AGPAT4: variants seen among roughly 807,000 people sequenced by gnomAD.
AGPAT4 encodes the protein 1-acylglycerol-3-phosphate O-acyltransferase 4.
Under a neutral mutation model 48.0 loss-of-function variants are expected in AGPAT4, and 15 were observed. That is an observed-to-expected ratio of 0.31 (90% CI 0.21 to 0.48). AGPAT4 has a LOEUF of 0.48. Ranked by LOEUF, AGPAT4 falls within the 20% of genes least tolerant of loss-of-function variation. The pLI is 0.99. For synonymous variants in AGPAT4, 178 were observed against 198.7 expected (o/e 0.90, Z 0.88); for missense variants, 314 against 482.5 (o/e 0.65, Z 3.27).
chr6:161,268,348 T>C (rs777544344), intron 1 of AGPAT4, among the ~76,000 whole-genome samples: 4 of 152,218 alleles, frequency 2.6e-5, no homozygotes, highest in East Asian at 3.9e-4. Flanking sequence ...TTCTCTTCTA[T>C]AAAAAAACAA....
rs566256145 is a variant in AGPAT4 at position 161,270,805 on chromosome 6, G to A, written c.-90+3133C>T. ...TCAAAAAAAAAATAAATGTGAATGC[G>A]GCTTTGTCCCATAACCATCAGACCT... On this transcript the variant is annotated intron_variant, in intron 1 of 8. Coordinates refer to ENST00000320285, the MANE Select transcript of AGPAT4 (RefSeq NM_020133.3). The surrounding 1 kb of genome is among the most constrained non-coding windows in gnomAD (Gnocchi z 5.3). Among the ~76,000 whole-genome samples the A allele has an allele frequency of 2.6e-5, 4 of 152,076 alleles. No homozygotes were observed. The East Asian group carries it at 5.8e-4, about 22-fold the overall frequency.
intron 2 of AGPAT4, among the ~76,000 whole-genome samples, chr6:161,168,130 G>C (rs546388501): frequency 1.3e-5 from 2 of 152,088 alleles, no homozygotes; most frequent in Admixed American, 6.5e-5. Flanking sequence ...GCGGTGGTGG[G>C]GTGGGGGGCT....
intron 1 of AGPAT4, among the ~76,000 whole-genome samples, chr6:161,257,698 CT>C (rs1341886044): frequency 3.3e-5 from 5 of 151,826 alleles, no homozygotes; most frequent in African/African-American, 9.7e-5. Context: ...AATTAATTTT[CT>C]TCATGGAAAT....
rs1373754649 is a variant in AGPAT4, at chr6:161,217,549, G to T, written c.178+14487C>A. On this transcript the variant is annotated intron_variant, in intron 2 of 8. Coordinates refer to ENST00000320285, the MANE Select transcript of AGPAT4 (RefSeq NM_020133.3). This position sits in a 1 kb window ranked among gnomAD's most constrained non-coding sequence, Gnocchi z 4.9. ...TCCAGTATGAAGGCATTGGCGTTAT[G>T]CCTGCATTTTCTCTCACTAATCATG... 6.6e-6 allele frequency among the ~76,000 whole-genome samples: 1 copy of T among 152,204 alleles called. No individual in the cohort carries two copies. The highest frequency in any genetic ancestry group is 2.4e-5 in the African/African-American group (1 of 41,442).
In AGPAT4 at chr6:161,133,332, A is replaced by T. The variant is rs890533978; in HGVS notation, c.*3208T>A. On this transcript the variant is annotated 3_prime_UTR_variant, in exon 9 of 9. Coordinates refer to ENST00000320285, the MANE Select transcript of AGPAT4 (RefSeq NM_020133.3). The stretch of plus-strand genomic sequence containing the variant: ...TATTAGAAAAACCCTAATGTTTTAA[A>T]ATTTTTTTAATCATCAGCTGCTTTT... 6.6e-6 allele frequency: 1 copy of T among 152,220 alleles called. No individual in the cohort carries two copies. Among genetic ancestry groups the T allele is most frequent in the Middle Eastern group, 3.2e-3 (1 of 316 alleles). 9.4% of individuals were successfully genotyped at this position (152,220 alleles called of 1,614,324 possible).
chr6:161,211,362 A>C (rs979134421), intron 2 of AGPAT4, among the ~76,000 whole-genome samples: 1 of 152,198 alleles, frequency 6.6e-6, no homozygotes, highest in Non-Finnish European at 1.5e-5. Flanking sequence ...ATTTTTGTCT[A>C]ATTCAAAGCT....
chr6:161,165,700 T>C lies in AGPAT4; in HGVS notation c.348+548A>G, dbSNP rs1250212718. 8.9e-7 allele frequency: 1 copy of C among 1,128,370 alleles called. No homozygotes were observed. The highest frequency in any genetic ancestry group is 1.2e-6 in the Non-Finnish European group (1 of 828,400). 69.9% of individuals were successfully genotyped at this position (1,128,370 alleles called of 1,614,324 possible). The stretch of plus-strand genomic sequence containing the variant: ...CAGTTCCAAAGGCATGCAAGCTACG[T>C]GCAAGAGGTCAAACTAGTTGGGAAA... On this transcript the variant is annotated intron_variant, in intron 3 of 8. Coordinates refer to ENST00000320285, the MANE Select transcript of AGPAT4 (RefSeq NM_020133.3). This position sits in a 1 kb window ranked among gnomAD's most constrained non-coding sequence, Gnocchi z 5.5.
At chr6:161,248,006 A>G (rs1782706379) in intron 1 of AGPAT4, among the ~76,000 whole-genome samples, 2 of 150,616 alleles carry the variant, frequency 1.3e-5, no homozygotes, top group Admixed American at 1.3e-4. Context: ...AAAAAAAAAA[A>G]AGTCCTGGCC....
intron 2 of AGPAT4, among the ~76,000 whole-genome samples, chr6:161,224,157 T>C (rs767040889): frequency 6.6e-5 from 10 of 152,202 alleles, no homozygotes; most frequent in Non-Finnish European, 1.0e-4. Flanking sequence ...TAACCTGATA[T>C]GGTCTTTTGT....
At chr6:161,265,269 C>T (rs372338853) in intron 1 of AGPAT4, among the ~76,000 whole-genome samples, 99 of 8,316 alleles carry the variant, frequency 0.012, 1 homozygote, top group East Asian at 0.09. Flanking sequence ...TAGTACCCAC[C>T]GCTGGACTGG....
chr6:161,262,197 T>C lies in AGPAT4; in HGVS notation c.-90+11741A>G, dbSNP rs1783123200. On this transcript the variant is annotated intron_variant, in intron 1 of 8. Coordinates refer to ENST00000320285, the MANE Select transcript of AGPAT4 (RefSeq NM_020133.3). This position sits in a 1 kb window ranked among gnomAD's most constrained non-coding sequence, Gnocchi z 4.9. Reference sequence around the variant, plus strand: ...TCCAGTCCTCTCAGCCCATAATCATTTATAGAACTTAAAAAAAAATGAGCC... The same window carrying C: ...TCCAGTCCTCTCAGCCCATAATCATCTATAGAACTTAAAAAAAAATGAGCC... 6.6e-6 allele frequency among the ~76,000 whole-genome samples: 1 copy of C among 151,950 alleles called. No individual in the cohort carries two copies. The highest frequency in any genetic ancestry group is 2.4e-5 in the African/African-American group (1 of 41,348).
At chr6:161,213,730 G>A (rs1309434397) in intron 2 of AGPAT4, among the ~76,000 whole-genome samples, 1 of 152,072 alleles carries the variant, frequency 6.6e-6, no homozygotes, top group Non-Finnish European at 1.5e-5. Context: ...TTGTTCTTTT[G>A]CTTGTTGTTG....
chr6:161,252,540 T>C (rs371802250), intron 1 of AGPAT4, among the ~76,000 whole-genome samples: 1 of 152,186 alleles, frequency 6.6e-6, no homozygotes, highest in Non-Finnish European at 1.5e-5. Context: ...GAAAATACAA[T>C]TGGACAGGCA....
Position 161,201,088 on chromosome 6 carries a change from C to T in AGPAT4, c.178+30948G>A, listed in dbSNP as rs937210058. ...GCCGAGGAAGTCATCATGAGCCGTG[C>T]GGTGTTGCAAAGGAAATCTTGTCCC... On this transcript the variant is annotated intron_variant, in intron 2 of 8. Coordinates refer to ENST00000320285, the MANE Select transcript of AGPAT4 (RefSeq NM_020133.3). The surrounding 1 kb of genome is among the most constrained non-coding windows in gnomAD (Gnocchi z 6.0). Among the ~76,000 whole-genome samples, 11 of 152,126 alleles carry T rather than the reference C, an allele frequency of 7.2e-5. No homozygotes were observed. The highest frequency in any genetic ancestry group is 3.9e-4 in the Admixed American group (6 of 15,278).
At chr6:161,247,297 G>T (rs1582906953) in intron 1 of AGPAT4, among the ~76,000 whole-genome samples, 1 of 152,074 alleles carries the variant, frequency 6.6e-6, no homozygotes, top group South Asian at 2.1e-4. Context: ...TTCTTGAAAG[G>T]TAAAGTCACT....
chr6:161,262,536 G>T lies in AGPAT4; in HGVS notation c.-90+11402C>A, dbSNP rs1783132768. Among the ~76,000 whole-genome samples, 1 of 151,924 alleles carries T rather than the reference G, an allele frequency of 6.6e-6. No individual in the cohort carries two copies. Among genetic ancestry groups the T allele is most frequent in the Non-Finnish European group, 1.5e-5 (1 of 68,000 alleles). ...AATAAAACTTGGTTTGCTTGTCCCT[G>T]GGCAAAGTCCCCAGCCTAGAGTTCC... On this transcript the variant is annotated intron_variant, in intron 1 of 8. Transcript: ENST00000320285. The surrounding 1 kb of genome is among the most constrained non-coding windows in gnomAD (Gnocchi z 4.9).
rs1254743871 is a variant in AGPAT4 at position 161,254,272 on chromosome 6, T to C, written c.-90+19666A>G. ...CTGTGACTTACTAGTGGACCCATTG[T>C]ACAGCTAAGAAAATAGAGGCTCAGG... On this transcript the variant is annotated intron_variant, in intron 1 of 8. Transcript: ENST00000320285. This position sits in a 1 kb window ranked among gnomAD's most constrained non-coding sequence, Gnocchi z 5.9. Among the ~76,000 whole-genome samples the C allele has an allele frequency of 6.6e-6, 1 of 152,214 alleles. No homozygotes were observed. The highest frequency in any genetic ancestry group is 1.9e-4 in the East Asian group (1 of 5,192).
rs1781943654 is a variant in AGPAT4 at position 161,225,225 on chromosome 6, C to A, written c.178+6811G>T. On this transcript the variant is annotated intron_variant, in intron 2 of 8. Coordinates refer to ENST00000320285, the MANE Select transcript of AGPAT4 (RefSeq NM_020133.3). The surrounding 1 kb of genome is among the most constrained non-coding windows in gnomAD (Gnocchi z 5.0). Reference sequence around the variant, plus strand: ...TTCTGATTCCGTCCCCTGTCATAACCATTTTTCCCGCCAAACCACTCACCC... The same window carrying A: ...TTCTGATTCCGTCCCCTGTCATAACAATTTTTCCCGCCAAACCACTCACCC... 6.6e-6 allele frequency among the ~76,000 whole-genome samples: 1 copy of A among 152,190 alleles called. No homozygotes were observed. The highest frequency in any genetic ancestry group is 2.4e-5 in the African/African-American group (1 of 41,442).
At position 161,158,259 on chromosome 6, in the gene AGPAT4, G is replaced by T. The variant is rs533078794; in HGVS notation, c.349-3949C>A. 3.4e-4 allele frequency among the ~76,000 whole-genome samples: 52 copies of T among 152,304 alleles called. No individual in the cohort carries two copies. The highest frequency in any genetic ancestry group is 1.2e-3 in the African/African-American group (51 of 41,568). ...GTTCCCCCGGCAAAAGGTTCAATAG[G>T]CTATAACTATCATGGCTTTCCCAGG... On this transcript the variant is annotated intron_variant, in intron 3 of 8. Transcript: ENST00000320285. The surrounding 1 kb of genome is among the most constrained non-coding windows in gnomAD (Gnocchi z 5.3).
Sources: allele counts gnomAD v4.1 joint callset (sites outside exome capture counted in the v4.1 genomes callset), GRCh38; gene constraint gnomAD v4.1.1; non-coding constraint Gnocchi (gnomAD v3.1); transcripts MANE v1.5; gene names NCBI Gene and HGNC (gene_info 2026-07-23, HGNC 2026-07-21).